The following SASH1 variants were observed in gnomAD, a reference collection of about 807,000 sequenced individuals.
The protein encoded by SASH1 is SAM and SH3 domain containing 1.
In SASH1, 44 loss-of-function variants were observed where a neutral mutation model predicts 125.2. The ratio of observed to expected loss-of-function variants is 0.35; its 90% CI spans 0.28 to 0.45. SASH1 has a LOEUF of 0.45. SASH1 is among the 20% of genes least tolerant of loss of function. The probability of loss-of-function intolerance (pLI) is 1.00; values close to 1 mark genes in which losing one functional copy is unlikely to be tolerated. For missense variants in SASH1, 1,426 were observed against 1,614.5 expected (o/e 0.88, Z 2.00); for synonymous variants, 639 against 649.1 (o/e 0.98, Z 0.24).
chr6:148,396,760 T>A (rs1783971120), intron 2 of SASH1, among the ~76,000 whole-genome samples: 1 of 152,120 alleles, frequency 6.6e-6, no homozygotes, highest in Non-Finnish European at 1.5e-5. Flanking sequence ...GCTGAGGGAG[T>A]CACAGACTTG....
chr6:148,545,065 C>T (rs984586512), intron 18 of SASH1, among the ~76,000 whole-genome samples: 6 of 152,074 alleles, frequency 3.9e-5, no homozygotes, highest in African/African-American at 1.4e-4. Context: ...AGAGGGATTA[C>T]TAGGAGCAAA....
In SASH1 at chr6:148,508,943, TTTG is replaced by T. The variant is rs564425081; in HGVS notation, c.730-5380_730-5378del. 106 of 830,176 alleles carry T rather than the reference TTTG, an allele frequency of 1.3e-4. 3 individuals are homozygous for T. In the South Asian group the frequency reaches 1.3e-3, roughly 10 times the overall value. The allele number at this position is 830,176 out of a possible 1,614,324, so 51.4% of individuals were successfully genotyped here. A position where few individuals can be genotyped will look rare whatever the true frequency, so the allele number is the denominator to read the frequency against. On this transcript the variant is annotated intron_variant, in intron 8 of 19. Transcript: ENST00000367467. ...TTTTCTGTTGCTTCAAGTAAAAGTTTTTGCTGCTCCTGCCTATGATGTTTCTCT... is the reference window on the plus strand; with the variant it reads ...TTTTCTGTTGCTTCAAGTAAAAGTTTCTGCTCCTGCCTATGATGTTTCTCT...
At chr6:148,310,051 G>C (rs1780257455) in intron 1 of SASH1, among the ~76,000 whole-genome samples, 1 of 152,186 alleles carries the variant, frequency 6.6e-6, no homozygotes, top group African/African-American at 2.4e-5. Context: ...GCTGGGCCTG[G>C]TGGCTCAGGC....
rs1293476930 is a variant in SASH1 at position 148,551,905 on chromosome 6, TTAAAAATTG to T, written c.*3356_*3364del. 1 of 152,676 alleles carries T rather than the reference TTAAAAATTG, an allele frequency of 6.5e-6. No homozygotes were observed. Among genetic ancestry groups the T allele is most frequent in the African/African-American group, 2.4e-5 (1 of 41,466 alleles). 9.5% of individuals were successfully genotyped at this position (152,676 alleles called of 1,614,324 possible). On this transcript the variant is annotated 3_prime_UTR_variant, in exon 20 of 20. Coordinates refer to ENST00000367467, the MANE Select transcript of SASH1 (RefSeq NM_015278.5). ...CAGCCCAAGAAAGCTGTGTATTGTT[TTAAAAATTG>T]TAAAAATTATTGTGATGATTCATTT...
chr6:148,257,428 G>T, the SASH1 span, among the ~76,000 whole-genome samples: 1 of 152,154 alleles, frequency 6.6e-6, no homozygotes, highest in African/African-American at 2.4e-5. Context: ...GGGAAGAAGA[G>T]AGTTCCCGAG....
chr6:148,366,632 T>C (rs1018655913), intron 1 of SASH1, among the ~76,000 whole-genome samples: 20 of 152,174 alleles, frequency 1.3e-4, no homozygotes, highest in African/African-American at 4.6e-4. Flanking sequence ...AGTATTGTTC[T>C]TGTTGCCCAG....
chr6:148,495,907 C>T lies in SASH1; in HGVS notation c.729+8192C>T, dbSNP rs891173071. 2.0e-5 allele frequency among the ~76,000 whole-genome samples: 3 copies of T among 152,306 alleles called. No individual in the cohort carries two copies. The highest frequency in any genetic ancestry group is 2.0e-4 in the Admixed American group (3 of 15,300). ...CTGGAGTGCAGTGGCACGATCTCGGCCCTCTGCAACCTCCACCTCCTGGGT... is the reference window on the plus strand; with the variant it reads ...CTGGAGTGCAGTGGCACGATCTCGGTCCTCTGCAACCTCCACCTCCTGGGT... On this transcript the variant is annotated intron_variant, in intron 8 of 19. Coordinates refer to ENST00000367467, the MANE Select transcript of SASH1 (RefSeq NM_015278.5). The surrounding 1 kb of genome is among the most constrained non-coding windows in gnomAD (Gnocchi z 4.0).
intron 1 of SASH1, among the ~76,000 whole-genome samples, chr6:148,315,341 A>G (rs1252138525): frequency 1.3e-5 from 2 of 152,148 alleles, no homozygotes; most frequent in Non-Finnish European, 2.9e-5. Context: ...TTGTCTTATC[A>G]ACACTATGTC....
the SASH1 span, among the ~76,000 whole-genome samples, chr6:148,254,895 A>G: frequency 1.1e-4 from 16 of 152,328 alleles, no homozygotes; most frequent in African/African-American, 3.6e-4. Context: ...CCGTACAAAA[A>G]CTTGTGCATG....
the SASH1 span, among the ~76,000 whole-genome samples, chr6:148,230,928 T>C: frequency 6.6e-6 from 1 of 152,246 alleles, no homozygotes; most frequent in Non-Finnish European, 1.5e-5. Context: ...TTCTGTAGGT[T>C]GTCTTTTCAC....
intron 4 of SASH1, among the ~76,000 whole-genome samples, chr6:148,447,064 A>G (rs1776828041): frequency 6.6e-6 from 1 of 152,226 alleles, no homozygotes; most frequent in South Asian, 2.1e-4. Context: ...TCATCCAGAT[A>G]TAAGCTAGGT....
chr6:148,493,443 C>G (rs1299974969), intron 8 of SASH1, among the ~76,000 whole-genome samples: 1 of 152,174 alleles, frequency 6.6e-6, no homozygotes, highest in Non-Finnish European at 1.5e-5. Context: ...ATTTTTTGTG[C>G]AAGAGCCGGA....
At chr6:148,431,103 G>C (rs1776041873) in intron 2 of SASH1, among the ~76,000 whole-genome samples, 1 of 152,240 alleles carries the variant, frequency 6.6e-6, no homozygotes, top group Non-Finnish European at 1.5e-5. Flanking sequence ...ACTACAAGTG[G>C]AATGGATTCA....
rs114879891 is a variant in SASH1, at chr6:148,437,178, A to C, written c.286-3006A>C. On this transcript the variant is annotated intron_variant, in intron 2 of 19. Coordinates refer to ENST00000367467, the MANE Select transcript of SASH1 (RefSeq NM_015278.5). ...TCATGTGACACTCATCAGTGTTATA[A>C]TAACGGAATTTTGCCAATAGTTTAT... is the stretch of plus-strand genomic sequence containing the variant. Among the ~76,000 whole-genome samples the C allele has an allele frequency of 5.4e-4, 83 of 152,320 alleles. 1 individual carries two copies. Among genetic ancestry groups the C allele is most frequent in the African/African-American group, 1.9e-3 (81 of 41,572 alleles).
Position 148,311,149 on chromosome 6 carries a change from C to T in SASH1, n.74+38772C>T, listed in dbSNP as rs896622593. Among the ~76,000 whole-genome samples the T allele has an allele frequency of 3.3e-5, 5 of 151,260 alleles. No homozygotes were observed. In the East Asian group the frequency reaches 5.9e-4, roughly 18 times the overall value. On this transcript the variant is annotated intron_variant and non_coding_transcript_variant, in intron 1 of 3. Coordinates refer to the SASH1 transcript ENST00000367469. ...CAAGACGGAGTGTCACTCTGTCGCC[C>T]GGGCTGGAGAGCAGTGGCATGGTCT...
chr6:148,524,178 G>A (rs1391286116), intron 10 of SASH1, among the ~76,000 whole-genome samples: 1 of 131,114 alleles, frequency 7.6e-6, no homozygotes, highest in Non-Finnish European at 1.6e-5. Context: ...AAAAGTAATC[G>A]CAGTTTTTAC....
chr6:148,545,511 G>GCAAA lies in SASH1; in HGVS notation c.3349-501_3349-498dup, dbSNP rs199995392. 5.9e-3 allele frequency among the ~76,000 whole-genome samples: 896 copies of GCAAA among 152,308 alleles called. 4 individuals carry two copies. Among genetic ancestry groups the GCAAA allele is most frequent in the Middle Eastern group, 0.01 (3 of 294 alleles). On this transcript the variant is annotated intron_variant, in intron 18 of 19. Coordinates refer to ENST00000367467, the MANE Select transcript of SASH1 (RefSeq NM_015278.5). The stretch of plus-strand genomic sequence containing the variant: ...TGGTATCACTTGTAGCAGATAAAGT[G>GCAAA]CAAACAGTTGAATATCTGTAAAGCA...
At chr6:148,287,911 T>C (rs985800116) in intron 1 of SASH1, among the ~76,000 whole-genome samples, 1 of 152,204 alleles carries the variant, frequency 6.6e-6, no homozygotes, top group African/African-American at 2.4e-5. Flanking sequence ...GTTGGTACAG[T>C]ATGGAACTAA....
In SASH1 at chr6:148,534,837, T is replaced by C; in HGVS notation, c.2031T>C (p.Asn677=). Residue 677 remains asparagine (N), a synonymous_variant, in exon 16 of 20, where the codon AAT becomes AAC. Transcript: ENST00000367467. ...LLEEEDLDEL[N]IRDPEHRAVL... is the part of the protein sequence containing the mutation. ...AGGAGGAAGACTTGGATGAGTTAAATATCAGGGACCCGGAACACAGAGCTG... is the reference window on the plus strand; with the variant it reads ...AGGAGGAAGACTTGGATGAGTTAAACATCAGGGACCCGGAACACAGAGCTG... 1 of 1,614,192 alleles carries C rather than the reference T, an allele frequency of 6.2e-7. No homozygotes were observed. Among genetic ancestry groups the C allele is most frequent in the East Asian group, 2.2e-5 (1 of 44,884 alleles).
Sources: gnomAD v4.1 joint callset for allele counts (sites outside exome capture counted in the v4.1 genomes callset) on GRCh38, gnomAD v4.1.1 for gene constraint, Gnocchi (gnomAD v3.1) non-coding constraint, MANE v1.5 for transcripts, NCBI Gene and HGNC (gene_info 2026-07-23, HGNC 2026-07-21) for gene names.